Variants in PRKCZ observed in about 807,000 individuals in gnomAD.
PRKCZ encodes protein kinase C zeta type.
PRKCZ carries 33 observed loss-of-function variants against 79.5 expected under a neutral mutation model. The observed-to-expected ratio is 0.41, with a 90% CI of 0.31 to 0.55. The LOEUF is 0.55. Ranked by LOEUF, PRKCZ falls within the 20% of genes least tolerant of loss-of-function variation. The pLI, the probability that PRKCZ is intolerant of heterozygous loss-of-function variation, is 0.19. For synonymous variants in PRKCZ, 342 were observed against 320.9 expected, an observed-to-expected ratio of 1.07 and a Z score of -0.70; for missense variants, 578 against 813.5, an observed-to-expected ratio of 0.71 and a Z score of 3.52.
chr1:2,184,849 G>A (rs563077886), intron 17 of PRKCZ, 73 bp from the exon 18 acceptor site: 7 of 1,449,446 alleles, frequency 4.8e-6, no homozygotes, highest in African/African-American at 2.8e-5. Flanking sequence ...ATTCTTATGC[G>A]AACGTGACTC....
rs1379741275 is a variant in PRKCZ at position 2,094,016 on chromosome 1, C to G, written c.334+34425C>G. Reference sequence around the variant, plus strand: ...GCTGCCTGACACGTGTGTCTGCTCCCTGCGGCACGTCCACAGCACCTGCCA... The same window carrying G: ...GCTGCCTGACACGTGTGTCTGCTCCGTGCGGCACGTCCACAGCACCTGCCA... On this transcript the variant is annotated intron_variant, in intron 4 of 17. Transcript: ENST00000378567. The surrounding 1 kb of genome is among the most constrained non-coding windows in gnomAD (Gnocchi z 7.3). Among the ~76,000 whole-genome samples, 2 of 152,192 alleles carry G rather than the reference C, an allele frequency of 1.3e-5. No homozygotes were observed. The highest frequency in any genetic ancestry group is 4.8e-5 in the African/African-American group (2 of 41,418).
intron 4 of PRKCZ, among the ~76,000 whole-genome samples, chr1:2,068,192 T>A (rs1661278276): frequency 6.6e-6 from 1 of 152,178 alleles, no homozygotes; most frequent in African/African-American, 2.4e-5. Context: ...CCGGCCCTGG[T>A]AACGGGAGAG....
chr1:2,107,366 G>C (rs1454572759), intron 4 of PRKCZ, among the ~76,000 whole-genome samples: 1 of 152,228 alleles, frequency 6.6e-6, no homozygotes, highest in Non-Finnish European at 1.5e-5. Flanking sequence ...CACGTGTCCT[G>C]AGACCCCTCA....
chr1:2,114,249 C>T (rs915212015), intron 4 of PRKCZ, among the ~76,000 whole-genome samples: 3 of 151,474 alleles, frequency 2.0e-5, no homozygotes, highest in African/African-American at 7.3e-5. Flanking sequence ...AGAACGTGCT[C>T]TCCAGGGATC....
In PRKCZ at chr1:2,059,564, C is replaced by G; in HGVS notation, c.307C>G (p.Pro103Ala). 6.2e-7 allele frequency: 1 copy of G among 1,614,184 alleles called. No individual in the cohort carries two copies. Among genetic ancestry groups the G allele is most frequent in the Non-Finnish European group, 8.5e-7 (1 of 1,180,010 alleles). ...IHVFPSTPEQ[P>A]GLPCPGEDKS... ...AGTTTTCCCGAGCACCCCTGAGCAG[C>G]CTGGCCTGCCATGTCCGGGAGAAGA... Residue 103 changes from proline to alanine, a missense_variant, in exon 4 of 18, where the codon CCT becomes GCT. Pro to Ala is a conservative substitution (Grantham distance 27, BLOSUM62 -1). Transcript: ENST00000378567.
chr1:2,059,626 G>T, intron 4 of PRKCZ, 35 bp downstream of exon 4: 1 of 1,612,280 alleles, frequency 6.2e-7, no homozygotes, highest in Non-Finnish European at 8.5e-7. Context: ...GGTCTCGCAT[G>T]TTACGGGGTT....
In PRKCZ at chr1:2,128,257, C is replaced by T. The variant is rs1035584846; in HGVS notation, c.335-7005C>T. Among the ~76,000 whole-genome samples, 1 of 152,192 alleles carries T rather than the reference C, an allele frequency of 6.6e-6. No individual in the cohort carries two copies. The highest frequency in any genetic ancestry group is 1.5e-5 in the Non-Finnish European group (1 of 68,018). On this transcript the variant is annotated intron_variant, in intron 4 of 17. Transcript: ENST00000378567. The surrounding 1 kb of genome is among the most constrained non-coding windows in gnomAD (Gnocchi z 6.5). ...CACTGCCTTGCACCCATCCGGGCCC[C>T]GCAGGGCCGTCCTGTGGCACTGCTT... is the stretch of plus-strand genomic sequence containing the variant.
At chr1:2,108,723 ACC>A (rs1158811164) in intron 4 of PRKCZ, among the ~76,000 whole-genome samples, 2 of 151,794 alleles carry the variant, frequency 1.3e-5, no homozygotes, top group Admixed American at 1.3e-4. Context: ...CCTGGTCACC[ACC>A]CCCTGCCTGT....
intron 5 of PRKCZ, among the ~76,000 whole-genome samples, chr1:2,136,958 TTGA>T (rs965252119): frequency 7.9e-5 from 12 of 151,490 alleles, no homozygotes; most frequent in African/African-American, 2.9e-4. Context: ...TGAAAGGGAG[TTGA>T]TTAGGGAGAA....
chr1:2,053,791 T>G (rs1659909716), intron 1 of PRKCZ, among the ~76,000 whole-genome samples: 1 of 152,154 alleles, frequency 6.6e-6, no homozygotes, highest in South Asian at 2.1e-4. Context: ...GCAGCAGGCG[T>G]GGATGTCAGC....
intron 4 of PRKCZ, chr1:2,073,692 CCGGG>C (rs1661846411): frequency 1.0e-5 from 10 of 991,966 alleles, no homozygotes; most frequent in Non-Finnish European, 1.2e-5. Flanking sequence ...CCCGGGGGAG[CCGGG>C]TACCACCCGG....
chr1:2,058,370 C>T (rs185365603), intron 3 of PRKCZ, among the ~76,000 whole-genome samples: 8 of 145,348 alleles, frequency 5.5e-5, no homozygotes, highest in South Asian at 2.2e-4. Flanking sequence ...CCCAGTTACT[C>T]GGGAGGCTGA....
At chr1:2,117,367 G>GT (rs56248139) in intron 4 of PRKCZ, among the ~76,000 whole-genome samples, 2,512 of 147,194 alleles carry the variant, frequency 0.017, 27 homozygotes, top group African/African-American at 0.031. Flanking sequence ...TACTTTTACA[G>GT]TTTTTTTTTT....
At position 2,094,185 on chromosome 1, in the gene PRKCZ, C is replaced by T. The variant is rs566554495; in HGVS notation, c.334+34594C>T. On this transcript the variant is annotated intron_variant, in intron 4 of 17. Coordinates refer to ENST00000378567, the MANE Select transcript of PRKCZ (RefSeq NM_002744.6). This position sits in a 1 kb window ranked among gnomAD's most constrained non-coding sequence, Gnocchi z 7.3. Reference sequence around the variant, plus strand: ...CCTCCCCCGTCCCGGGAGCAGCCCCCCCACTTCCACCTGTCTTGGACGGGA... The same window carrying T: ...CCTCCCCCGTCCCGGGAGCAGCCCCTCCACTTCCACCTGTCTTGGACGGGA... 1.8e-4 allele frequency among the ~76,000 whole-genome samples: 27 copies of T among 152,158 alleles called. No individual in the cohort carries two copies. Among genetic ancestry groups the T allele is most frequent in the Non-Finnish European group, 4.0e-4 (27 of 68,024 alleles).
chr1:2,099,826 G>A (rs1261445690), intron 4 of PRKCZ, among the ~76,000 whole-genome samples: 1 of 152,232 alleles, frequency 6.6e-6, no homozygotes, highest in Non-Finnish European at 1.5e-5. Context: ...ATTAGTCCGT[G>A]TCGTGCTAAA....
chr1:2,145,884 C>T, intron 6 of PRKCZ, 143 bp from the exon 7 acceptor site: 2 of 687,556 alleles, frequency 2.9e-6, no homozygotes, highest in East Asian at 2.7e-5. Flanking sequence ...CCACTGCTCT[C>T]CAGCCTGGAT....
chr1:2,106,104 A>G (rs1271169179), intron 4 of PRKCZ, among the ~76,000 whole-genome samples: 1 of 152,132 alleles, frequency 6.6e-6, no homozygotes, highest in Non-Finnish European at 1.5e-5. Context: ...CAGGACTTCG[A>G]TGGGGTGTCC....
chr1:2,140,119 T>A (rs1032286082), intron 5 of PRKCZ, among the ~76,000 whole-genome samples: 8 of 152,294 alleles, frequency 5.3e-5, no homozygotes, highest in Middle Eastern at 6.8e-3. Context: ...CCTGTCAGAT[T>A]TGGTCCAAGC....
rs758577957 is a variant in PRKCZ at position 2,144,202 on chromosome 1, A to G, written c.421-8A>G. The G allele has an allele frequency of 4.5e-6, 7 of 1,551,464 alleles. No homozygotes were observed. The South Asian group carries it at 8.3e-5, about 18-fold the overall frequency. On this transcript the variant is annotated splice_region_variant and splice_polypyrimidine_tract_variant and intron_variant, in intron 5 of 17. Transcript: ENST00000378567. Reference sequence around the variant, plus strand: ...GGCCTGGGCCTGACGCTCTGTTCCCACCTGCAGAGAGCGTACTGCGGTCAG... The same window carrying G: ...GGCCTGGGCCTGACGCTCTGTTCCCGCCTGCAGAGAGCGTACTGCGGTCAG...
Sources: gnomAD v4.1 joint callset for allele counts (sites outside exome capture counted in the v4.1 genomes callset) on GRCh38, gnomAD v4.1.1 for gene constraint, Gnocchi (gnomAD v3.1) non-coding constraint, MANE v1.5 for transcripts, NCBI Gene and HGNC (gene_info 2026-07-23, HGNC 2026-07-21) for gene names.